ATP9B: variants seen among roughly 807,000 people sequenced by gnomAD.
ATP9B encodes probable phospholipid-transporting ATPase IIB.
A neutral mutation model predicts 146.1 loss-of-function variants in ATP9B; 110 were observed. The observed-to-expected ratio is 0.75, with a 90% CI of 0.65 to 0.88. The LOEUF (loss-of-function observed/expected upper bound fraction) is 0.88, where lower values mean the gene tolerates loss of function less well. Among genes scored for constraint, ATP9B ranks in the 40% least tolerant of loss-of-function variants. ATP9B has a pLI of 0.00. For missense variants in ATP9B, 1,499 were observed against 1,496.4 expected (o/e 1.00, Z -0.03); for synonymous variants, 604 against 569.7 (o/e 1.06, Z -0.86).
chr18:79,330,038 C>T lies in ATP9B; in HGVS notation c.1962C>T (p.Phe654=). 6.2e-7 allele frequency: 1 copy of T among 1,614,118 alleles called. No individual in the cohort carries two copies. ...VRDESTAEIT[F]YMKGADVAMS... ...ATGAATCCACGGCAGAAATCACATT[C>T]TACATGAAGGGCGCTGACGTGGCCA... The change falls in exon 17 of 30, where the codon TTC becomes TTT. Residue 654 remains phenylalanine, a synonymous_variant. Coordinates refer to ENST00000426216, the MANE Select transcript of ATP9B (RefSeq NM_198531.5).
chr18:79,342,038 A>G (rs986479101), intron 19 of ATP9B, among the ~76,000 whole-genome samples: 1 of 152,226 alleles, frequency 6.6e-6, no homozygotes, highest in South Asian at 2.1e-4. Context: ...TCTTTCACTC[A>G]GCGTAATGTC....
intron 12 of ATP9B, among the ~76,000 whole-genome samples, chr18:79,276,174 T>C (rs1196656969): frequency 2.0e-5 from 3 of 152,218 alleles, no homozygotes; most frequent in Non-Finnish European, 2.9e-5. Flanking sequence ...AGCAGCCGCA[T>C]GAGCAGAGCC....
chr18:79,317,064 A>C (rs2096684751), intron 15 of ATP9B, among the ~76,000 whole-genome samples: 1 of 152,182 alleles, frequency 6.6e-6, no homozygotes, highest in Non-Finnish European at 1.5e-5. Context: ...TTCAAAATTG[A>C]CTCCATATAA....
chr18:79,089,411 T>C (rs1264155776), intron 1 of ATP9B, among the ~76,000 whole-genome samples: 1 of 152,198 alleles, frequency 6.6e-6, no homozygotes, highest in Non-Finnish European at 1.5e-5. Context: ...CAGCTGCTTC[T>C]GGTGTCCTGC....
At position 79,131,837 on chromosome 18, in the gene ATP9B, T is replaced by G. The variant is rs1375885671; in HGVS notation, c.667+5462T>G. 2.6e-5 allele frequency among the ~76,000 whole-genome samples: 4 copies of G among 152,340 alleles called. No individual in the cohort carries two copies. The East Asian group carries it at 7.7e-4, about 29-fold the overall frequency. On this transcript the variant is annotated intron_variant, in intron 5 of 29. Coordinates refer to ENST00000426216, the MANE Select transcript of ATP9B (RefSeq NM_198531.5). Reference sequence around the variant, plus strand: ...CTGGATGAACCTCAAAACATTATGCTATGTGGAAGAAGCCAGATGAAAAAG... The same window carrying G: ...CTGGATGAACCTCAAAACATTATGCGATGTGGAAGAAGCCAGATGAAAAAG...
intron 17 of ATP9B, among the ~76,000 whole-genome samples, chr18:79,332,416 G>A (rs570944634): frequency 1.2e-4 from 18 of 152,296 alleles, no homozygotes; most frequent in Admixed American, 3.3e-4. Context: ...GCGACAGAGC[G>A]AGACTCCGTC....
intron 2 of ATP9B, among the ~76,000 whole-genome samples, chr18:79,097,208 T>C (rs2074863381): frequency 6.6e-6 from 1 of 151,710 alleles, no homozygotes; most frequent in African/African-American, 2.4e-5. Flanking sequence ...AGCTAATGCA[T>C]GATAGAATTA....
chr18:79,345,978 A>G, intron 23 of ATP9B, 139 bp downstream of exon 23: 1 of 928,786 alleles, frequency 1.1e-6, no homozygotes, highest in Non-Finnish European at 1.7e-6. Flanking sequence ...CTCGGTCAGC[A>G]AACACTCAGC....
chr18:79,122,286 T>A (rs2094203057), intron 4 of ATP9B, among the ~76,000 whole-genome samples: 1 of 152,208 alleles, frequency 6.6e-6, no homozygotes, highest in Non-Finnish European at 1.5e-5. Flanking sequence ...TACCTCTGCA[T>A]CATGAACATG....
chr18:79,124,734 G>A (rs1200564050), intron 4 of ATP9B, among the ~76,000 whole-genome samples: 1 of 152,226 alleles, frequency 6.6e-6, no homozygotes, highest in Non-Finnish European at 1.5e-5. Flanking sequence ...GGAGAGCACT[G>A]TATTTCATTG....
At chr18:79,188,693 A>G (rs575403043) in intron 8 of ATP9B, among the ~76,000 whole-genome samples, 1 of 152,300 alleles carries the variant, frequency 6.6e-6, no homozygotes, top group East Asian at 1.9e-4. Flanking sequence ...GAGCTTATCA[A>G]ATTGTGCTTT....
At chr18:79,245,004 C>T (rs1170650299) in intron 11 of ATP9B, among the ~76,000 whole-genome samples, 1 of 152,068 alleles carries the variant, frequency 6.6e-6, no homozygotes, top group Admixed American at 6.6e-5. Context: ...TGAGTGTGTG[C>T]CTTGTAAAGA....
At chr18:79,186,744 A>G (rs9965615) in intron 8 of ATP9B, among the ~76,000 whole-genome samples, 85,491 of 152,114 alleles carry the variant, frequency 0.56, 25,774 homozygotes, top group African/African-American at 0.79. Flanking sequence ...CTAAGCTACT[A>G]TAACAGTTGC....
At chr18:79,189,772 T>C (rs1421545371) in intron 8 of ATP9B, among the ~76,000 whole-genome samples, 7 of 152,246 alleles carry the variant, frequency 4.6e-5, no homozygotes. Flanking sequence ...CCACCACACA[T>C]ACTTAGCAGC....
At chr18:79,206,500 G>A (rs1208491648) in intron 9 of ATP9B, among the ~76,000 whole-genome samples, 1 of 152,064 alleles carries the variant, frequency 6.6e-6, no homozygotes, top group Non-Finnish European at 1.5e-5. Context: ...ATGTGTTAAA[G>A]ATGTAGTTGA....
At chr18:79,317,730 T>G (rs1403351079) in intron 15 of ATP9B, among the ~76,000 whole-genome samples, 1 of 152,182 alleles carries the variant, frequency 6.6e-6, no homozygotes, top group Non-Finnish European at 1.5e-5. Context: ...GTGGGATGAC[T>G]GCCAAAGAGC....
chr18:79,205,099 C>T (rs920260283), intron 9 of ATP9B, among the ~76,000 whole-genome samples: 8 of 152,154 alleles, frequency 5.3e-5, no homozygotes, highest in African/African-American at 1.7e-4. Context: ...CTGAGCTGCA[C>T]CTGCATTGCA....
intron 5 of ATP9B, among the ~76,000 whole-genome samples, chr18:79,143,181 T>C (rs1225140503): frequency 6.6e-6 from 1 of 152,174 alleles, no homozygotes; most frequent in African/African-American, 2.4e-5. Context: ...GCAACATTCA[T>C]CTACTCTACA....
chr18:79,269,007 A>G (rs1052281851), intron 12 of ATP9B, among the ~76,000 whole-genome samples: 2 of 152,086 alleles, frequency 1.3e-5, no homozygotes, highest in African/African-American at 4.8e-5. Flanking sequence ...GTGGCATTGT[A>G]CGCTCTACCC....
Sources: gnomAD v4.1 joint callset for allele counts (sites outside exome capture counted in the v4.1 genomes callset) on GRCh38, gnomAD v4.1.1 for gene constraint, MANE v1.5 for transcripts, NCBI Gene and HGNC (gene_info 2026-07-23, HGNC 2026-07-21) for gene names.